GRIN3A: variants seen among roughly 807,000 people sequenced by gnomAD.
GRIN3A encodes the protein glutamate receptor ionotropic, NMDA 3A.
In GRIN3A, 47 loss-of-function variants were observed where a neutral mutation model predicts 92.4. That is an observed-to-expected ratio of 0.51 (90% CI 0.40 to 0.65). The LOEUF (loss-of-function observed/expected upper bound fraction) is 0.65, where lower values mean the gene tolerates loss of function less well. GRIN3A is among the 30% of genes least tolerant of loss of function. GRIN3A has a pLI of 0.00. For missense variants in GRIN3A, 1,324 were observed against 1,393.1 expected (o/e 0.95, Z 0.79); for synonymous variants, 527 against 540.6 (o/e 0.97, Z 0.35).
intron 6 of GRIN3A, among the ~76,000 whole-genome samples, chr9:101,597,872 T>C (rs1340800142): frequency 6.6e-6 from 1 of 152,212 alleles, no homozygotes; most frequent in Admixed American, 6.5e-5. Context: ...CAATATGACA[T>C]ATTTTCTTGC....
In GRIN3A at chr9:101,579,180, C is replaced by T. The variant is rs755016438; in HGVS notation, c.2931+16G>A. 8 of 1,613,162 alleles carry T rather than the reference C, an allele frequency of 5.0e-6. No homozygotes were observed. Among genetic ancestry groups the T allele is most frequent in the South Asian group, 1.1e-5 (1 of 91,076 alleles). ...ACAGTTTAAGAATATTGGAGCAAGA[C>T]ACCTGTGGCACTCACCTGGCTGGTG... On this transcript the variant is annotated intron_variant, in intron 7 of 8. Transcript: ENST00000361820.
chr9:101,737,545 G>T lies in GRIN3A; in HGVS notation c.435C>A (p.Asn145Lys). 3 of 1,614,232 alleles carry T rather than the reference G, an allele frequency of 1.9e-6. No homozygotes were observed. The highest frequency in any genetic ancestry group is 2.5e-6 in the Non-Finnish European group (3 of 1,180,026). Residue 145 changes from asparagine to lysine, a missense_variant, in exon 1 of 9, where the codon AAC becomes AAA. By Grantham distance (94) the Asn-to-Lys change is moderately conservative. Transcript: ENST00000361820. The part of the protein sequence containing the change: ...LNRVEGLLPY[N>K]LSLEVVMAIE... Reference sequence around the variant, plus strand: ...TGGCCATCACTACTTCCAAAGACAGGTTGTAGGGTAGCAGCCCTTCCACGC... The same window carrying T: ...TGGCCATCACTACTTCCAAAGACAGTTTGTAGGGTAGCAGCCCTTCCACGC...
intron 6 of GRIN3A, among the ~76,000 whole-genome samples, chr9:101,607,157 G>GAA (rs11297988): frequency 2.8e-5 from 4 of 144,812 alleles, no homozygotes; most frequent in African/African-American, 5.0e-5. Context: ...TGGAATTCAG[G>GAA]AAAAAAAAAA....
At chr9:101,584,523 A>G (rs1217870944) in intron 6 of GRIN3A, among the ~76,000 whole-genome samples, 2 of 152,230 alleles carry the variant, frequency 1.3e-5, no homozygotes, top group African/African-American at 4.8e-5. Context: ...ATATCCATGC[A>G]TTGTGCATTA....
intron 5 of GRIN3A, among the ~76,000 whole-genome samples, chr9:101,618,300 G>A (rs1828496775): frequency 1.3e-5 from 2 of 151,398 alleles, no homozygotes; most frequent in South Asian, 4.2e-4. Context: ...CTACTCATCT[G>A]ACAAAGGGCT....
intron 8 of GRIN3A, among the ~76,000 whole-genome samples, chr9:101,576,785 G>A (rs1009256124): frequency 6.6e-6 from 1 of 152,162 alleles, no homozygotes; most frequent in Non-Finnish European, 1.5e-5. Flanking sequence ...TGACTGGAAA[G>A]AGATACTTCA....
At chr9:101,585,943 G>T (rs1470449440) in intron 6 of GRIN3A, among the ~76,000 whole-genome samples, 1 of 152,038 alleles carries the variant, frequency 6.6e-6, no homozygotes, top group Admixed American at 6.6e-5. Context: ...CTTCTCTCTC[G>T]CTGGTTGACT....
At chr9:101,723,451 T>C (rs1481122237) in intron 1 of GRIN3A, among the ~76,000 whole-genome samples, 2 of 152,148 alleles carry the variant, frequency 1.3e-5, no homozygotes, top group African/African-American at 4.8e-5. Flanking sequence ...AAAAGCAGCG[T>C]GGACCCAAAG....
At chr9:101,724,442 A>G (rs993200341) in intron 1 of GRIN3A, among the ~76,000 whole-genome samples, 1 of 151,698 alleles carries the variant, frequency 6.6e-6, no homozygotes, top group Non-Finnish European at 1.5e-5. Flanking sequence ...CCCACCCAGA[A>G]CTCCAGCTGA....
At chr9:101,634,332 CAAAAAAAA>C (rs10664535) in intron 3 of GRIN3A, among the ~76,000 whole-genome samples, 3 of 68,736 alleles carry the variant, frequency 4.4e-5, no homozygotes, top group East Asian at 4.2e-4. Context: ...GACTCCGTCT[CAAAAAAAA>C]AAAAAAAAAA....
chr9:101,639,821 C>G (rs892084738), intron 3 of GRIN3A, among the ~76,000 whole-genome samples: 1 of 152,076 alleles, frequency 6.6e-6, no homozygotes, highest in African/African-American at 2.4e-5. Context: ...AGCATAGACC[C>G]CAGGAAACCA....
intron 3 of GRIN3A, among the ~76,000 whole-genome samples, chr9:101,659,937 T>A (rs1270874738): frequency 1.3e-5 from 2 of 151,890 alleles, no homozygotes; most frequent in Non-Finnish European, 2.9e-5. Flanking sequence ...ATTTGTTCAG[T>A]TTTTGACTTA....
chr9:101,628,065 A>T (rs1175168326), intron 4 of GRIN3A, among the ~76,000 whole-genome samples, 191 bp downstream of exon 4: 1 of 152,226 alleles, frequency 6.6e-6, no homozygotes, highest in Non-Finnish European at 1.5e-5. Flanking sequence ...GTCACAAGTA[A>T]TCTAGGTCAC....
intron 8 of GRIN3A, among the ~76,000 whole-genome samples, chr9:101,575,898 T>C (rs1433919811): frequency 6.6e-6 from 1 of 152,190 alleles, no homozygotes; most frequent in Non-Finnish European, 1.5e-5. Context: ...TAAGTAAAGA[T>C]AGCTGGACTG....
intron 7 of GRIN3A, 58 bp from the exon 8 acceptor site, chr9:101,577,902 C>A: frequency 1.6e-6 from 2 of 1,243,202 alleles, no homozygotes; most frequent in South Asian, 2.4e-5. Context: ...GGTCAGGGAA[C>A]AAAGAACCAC....
intron 6 of GRIN3A, among the ~76,000 whole-genome samples, chr9:101,581,557 C>T (rs56246731): frequency 0.15 from 22,518 of 152,084 alleles, 2,099 homozygotes; most frequent in Non-Finnish European, 0.21. Flanking sequence ...CATTTGTCCC[C>T]TGTGGAGGAC....
chr9:101,662,094 T>TA (rs1390952822), intron 3 of GRIN3A, among the ~76,000 whole-genome samples: 2 of 151,862 alleles, frequency 1.3e-5, no homozygotes, highest in African/African-American at 4.8e-5. Flanking sequence ...AAAGGTCGCA[T>TA]AACATACAAG....
At position 101,670,594 on chromosome 9, in the gene GRIN3A, T is replaced by C. The variant is rs763596668; in HGVS notation, c.1818A>G (p.Gly606=). The C allele has an allele frequency of 6.2e-7, 1 of 1,614,018 alleles. No individual in the cohort carries two copies. Among genetic ancestry groups the C allele is most frequent in the Non-Finnish European group, 8.5e-7 (1 of 1,179,974 alleles). ...CAGTCCAGTGCCCATTTTTCCATGC[T>C]CCATACTTTCCATCCCCTACAATAT... is the stretch of plus-strand genomic sequence containing the variant. ...DLYIVGDGKY[G]AWKNGHWTGL... Residue 606 remains glycine, a synonymous_variant, in exon 3 of 9, where the codon GGA becomes GGG. Coordinates refer to ENST00000361820, the MANE Select transcript of GRIN3A (RefSeq NM_133445.3).
chr9:101,643,177 CTCAT>C (rs1435358184), intron 3 of GRIN3A, among the ~76,000 whole-genome samples: 2 of 151,938 alleles, frequency 1.3e-5, no homozygotes, highest in Non-Finnish European at 2.9e-5. Flanking sequence ...ATATTAGAAA[CTCAT>C]TCAGCTCAAT....
Sources: gnomAD v4.1 joint callset for allele counts (sites outside exome capture counted in the v4.1 genomes callset) on GRCh38, gnomAD v4.1.1 for gene constraint, MANE v1.5 for transcripts, NCBI Gene and HGNC (gene_info 2026-07-23, HGNC 2026-07-21) for gene names.